NAV3: variants seen among roughly 807,000 people sequenced by gnomAD.
NAV3 encodes the protein pore membrane and/or filament interacting like protein 1.
A neutral mutation model predicts 244.7 loss-of-function variants in NAV3; 87 were observed. That is an observed-to-expected ratio of 0.36 (90% CI 0.30 to 0.42). The LOEUF (loss-of-function observed/expected upper bound fraction) is 0.42, where lower values mean the gene tolerates loss of function less well. Among genes scored for constraint, NAV3 ranks in the 20% least tolerant of loss-of-function variants. The pLI is 1.00. For missense variants in NAV3, 2,663 were observed against 2,893.3 expected (o/e 0.92, Z 1.83); for synonymous variants, 1,126 against 1,042.2 (o/e 1.08, Z -1.55).
chr12:77,856,180 A>G (rs1409105855), intron 1 of NAV3, among the ~76,000 whole-genome samples: 1 of 152,172 alleles, frequency 6.6e-6, no homozygotes, highest in African/African-American at 2.4e-5. Context: ...GATATATATA[A>G]GAGCTTTCAT....
At chr12:77,783,952 G>A (rs1211512078) in intron 2 of NAV3, among the ~76,000 whole-genome samples, 1 of 152,086 alleles carries the variant, frequency 6.6e-6, no homozygotes, top group Non-Finnish European at 1.5e-5. Flanking sequence ...GTGAGTAAAA[G>A]CACAGACTTT....
Position 78,119,280 on chromosome 12 carries a change from C to A in NAV3, c.3084C>A (p.Pro1028=), listed in dbSNP as rs2138600539. 1 of 1,614,014 alleles carries A rather than the reference C, an allele frequency of 6.2e-7. No individual in the cohort carries two copies. Among genetic ancestry groups the A allele is most frequent in the Non-Finnish European group, 8.5e-7 (1 of 1,179,998 alleles). The stretch of plus-strand genomic sequence containing the variant: ...AAGCTTCTGAGAAAGGAAAAGCTCC[C>A]CTAAAAGGATCATCTCTACAAAGAT... ...DAKASEKGKA[P]LKGSSLQRSP... is the part of the protein sequence containing the mutation. Residue 1028 remains proline, a synonymous_variant, in exon 15 of 40, where the codon CCC becomes CCA. Transcript: ENST00000397909.
intron 2 of NAV3, among the ~76,000 whole-genome samples, chr12:77,658,167 T>A (rs1481106894): frequency 3.3e-5 from 5 of 152,100 alleles, no homozygotes; most frequent in African/African-American, 1.2e-4. Context: ...GAAGTCAAAT[T>A]TTCCCTGTTT....
chr12:78,140,662 T>C (rs187731141), intron 20 of NAV3, among the ~76,000 whole-genome samples: 3 of 152,312 alleles, frequency 2.0e-5, no homozygotes, highest in Admixed American at 2.0e-4. Flanking sequence ...ACTATCATTT[T>C]AGTAATGACG....
chr12:77,917,597 T>C (rs904313264), intron 1 of NAV3, among the ~76,000 whole-genome samples: 1 of 152,032 alleles, frequency 6.6e-6, no homozygotes, highest in Admixed American at 6.6e-5. Flanking sequence ...GTATTGCCTG[T>C]TTGCCCTCCT....
chr12:78,007,103 C>T lies in NAV3; in HGVS notation c.1565C>T (p.Pro522Leu), dbSNP rs370324426. Reference sequence around the variant, plus strand: ...GCAGCTAAGAAGGAAAGCTTAATTCCGTCTTCCAGTGGTATTCCAAAACCA... The same window carrying T: ...GCAGCTAAGAAGGAAAGCTTAATTCTGTCTTCCAGTGGTATTCCAAAACCA... Reference protein sequence around the residue: ...TTAAKKESLIPSSSGIPKPGS... With the variant: ...TTAAKKESLILSSSGIPKPGS... Residue 522 changes from proline (P) to leucine (L), a missense_variant, in exon 8 of 40, where the codon CCG becomes CTG. Pro to Leu is a moderately conservative substitution (Grantham distance 98). Transcript: ENST00000397909. 1.5e-5 allele frequency: 24 copies of T among 1,614,024 alleles called. No individual in the cohort carries two copies. Among genetic ancestry groups the T allele is most frequent in the African/African-American group, 9.3e-5 (7 of 74,926 alleles).
intron 1 of NAV3, among the ~76,000 whole-genome samples, chr12:77,905,417 T>A (rs556788252): frequency 5.3e-5 from 8 of 152,236 alleles, no homozygotes; most frequent in African/African-American, 1.9e-4. Context: ...TATAAAATTT[T>A]AAAAATAGAG....
intron 21 of NAV3, among the ~76,000 whole-genome samples, chr12:78,146,936 A>G (rs764909254): frequency 5.9e-5 from 9 of 152,132 alleles, no homozygotes; most frequent in Non-Finnish European, 1.0e-4. Flanking sequence ...CATTCAGGAA[A>G]GAATACTATT....
chr12:77,911,702 C>T (rs1242290), intron 1 of NAV3, among the ~76,000 whole-genome samples: 16,787 of 151,988 alleles, frequency 0.11, 1,067 homozygotes, highest in South Asian at 0.2. Flanking sequence ...AAAATGTATT[C>T]GAAGGATCAA....
chr12:78,075,611 T>A (rs943679617), intron 12 of NAV3, among the ~76,000 whole-genome samples: 5 of 152,190 alleles, frequency 3.3e-5, no homozygotes, highest in Non-Finnish European at 7.3e-5. Context: ...CTAAAGGGTT[T>A]TTAAAATTTT....
chr12:78,179,689 A>T lies in NAV3; in HGVS notation c.5517+7A>T, dbSNP rs1294606304. On this transcript the variant is annotated splice_region_variant and intron_variant, in intron 29 of 39. Transcript: ENST00000397909. ...AGCCATGAACCGGATGCAGGTTGGT[A>T]CTGAAGCACTTTCAAGGAATAAAAT... The T allele has an allele frequency of 1.2e-6, 2 of 1,601,702 alleles. No individual in the cohort carries two copies. Among genetic ancestry groups the T allele is most frequent in the Non-Finnish European group, 1.7e-6 (2 of 1,174,108 alleles).
Position 78,210,439 on chromosome 12 carries a change from G to GTGTCGC in NAV3, c.7080_7081insTGTCGC (p.Ser2360_Ser2361insCysArg). 6.2e-7 allele frequency: 1 copy of GTGTCGC among 1,613,484 alleles called. No individual in the cohort carries two copies. The highest frequency in any genetic ancestry group is 1.3e-5 in the African/African-American group (1 of 74,924). ...AACTCCAAGAAGCAGCCAATTACTC[G>GTGTCGC]AGCACACAAAGCTGCGACAGCGAAA... On this transcript the variant is annotated inframe_insertion, in exon 40 of 40. Coordinates refer to ENST00000397909, the MANE Select transcript of NAV3 (RefSeq NM_001024383.2).
chr12:77,857,118 T>C (rs575243033), intron 1 of NAV3, among the ~76,000 whole-genome samples: 1 of 152,232 alleles, frequency 6.6e-6, no homozygotes, highest in South Asian at 2.1e-4. Flanking sequence ...AATTCAAGCA[T>C]GAAAGTTGGA....
intron 2 of NAV3, among the ~76,000 whole-genome samples, chr12:77,745,912 A>G (rs1429510468): frequency 6.6e-6 from 1 of 150,910 alleles, no homozygotes; most frequent in Non-Finnish European, 1.5e-5. Flanking sequence ...TAAATGGCAC[A>G]GGGGTCAAGA....
At chr12:78,160,527 G>A (rs997456987) in intron 23 of NAV3, among the ~76,000 whole-genome samples, 8 of 151,956 alleles carry the variant, frequency 5.3e-5, no homozygotes, top group Non-Finnish European at 8.8e-5. Context: ...TCAAGAATGC[G>A]TTCCTCTATC....
chr12:77,880,952 C>A (rs1882562127), intron 1 of NAV3, among the ~76,000 whole-genome samples: 1 of 150,800 alleles, frequency 6.6e-6, no homozygotes, highest in Admixed American at 6.6e-5. Context: ...CTTTATATTT[C>A]ATTTATTTAT....
chr12:78,169,706 G>GT (rs1166724492), intron 24 of NAV3, among the ~76,000 whole-genome samples: 108 of 151,740 alleles, frequency 7.1e-4, no homozygotes, highest in Non-Finnish European at 1.3e-3. Flanking sequence ...CTGGAGTGTA[G>GT]CTCCTTTTCC....
At chr12:78,188,813 AT>A in intron 33 of NAV3, 36 bp downstream of exon 33, 2 of 1,595,892 alleles carry the variant, frequency 1.3e-6, no homozygotes, top group Non-Finnish European at 8.6e-7. Context: ...CAGAAATATA[AT>A]TTTTAGCAAC....
At chr12:77,767,241 G>A (rs934869961) in intron 2 of NAV3, among the ~76,000 whole-genome samples, 3 of 152,120 alleles carry the variant, frequency 2.0e-5, no homozygotes, top group African/African-American at 4.8e-5. Context: ...AAGGATTGTT[G>A]GGAAAATCAT....
Sources: allele counts gnomAD v4.1 joint callset (sites outside exome capture counted in the v4.1 genomes callset), GRCh38; gene constraint gnomAD v4.1.1; transcripts MANE v1.5; gene names NCBI Gene and HGNC (gene_info 2026-07-23, HGNC 2026-07-21).